BACE2: variants seen among roughly 807,000 people sequenced by gnomAD.
BACE2 encodes beta-secretase 2, also known as 56 kDa aspartic-like protease.
A neutral mutation model predicts 46.2 loss-of-function variants in BACE2; 17 were observed. The observed-to-expected ratio is 0.37, with a 90% CI of 0.25 to 0.55. The LOEUF (loss-of-function observed/expected upper bound fraction) is 0.55, where lower values mean the gene tolerates loss of function less well. Ranked by LOEUF, BACE2 falls within the 20% of genes least tolerant of loss-of-function variation. The pLI is 0.82. For synonymous variants in BACE2, 277 were observed against 295.9 expected, an observed-to-expected ratio of 0.94 and a Z score of 0.66; for missense variants, 595 against 698.1, an observed-to-expected ratio of 0.85 and a Z score of 1.66.
chr21:41,216,069 T>G (rs921384131), intron 1 of BACE2, among the ~76,000 whole-genome samples: 10 of 152,136 alleles, frequency 6.6e-5, no homozygotes, highest in Non-Finnish European at 1.3e-4. Context: ...TTCCGTTGTT[T>G]GAGAGCGCGT....
In BACE2 at chr21:41,278,327, TG is replaced by T. The variant is rs1268638186; in HGVS notation, c.*2707del. 2.0e-5 allele frequency: 3 copies of T among 152,208 alleles called. No homozygotes were observed. Among genetic ancestry groups the T allele is most frequent in the Non-Finnish European group, 2.9e-5 (2 of 68,034 alleles). 9.4% of individuals were successfully genotyped at this position (152,208 alleles called of 1,614,324 possible). ...TTATTAAAAATAGCAAGAAACAAGA[TG>T]GGGACCAATTCTATTTTTATTCTTG... On this transcript the variant is annotated 3_prime_UTR_variant, in exon 9 of 9. Coordinates refer to ENST00000330333, the MANE Select transcript of BACE2 (RefSeq NM_012105.5).
chr21:41,237,109 G>A lies in BACE2; in HGVS notation c.402-404G>A, dbSNP rs1042107358. On this transcript the variant is annotated intron_variant, in intron 2 of 8. Transcript: ENST00000330333. ...TGTTTAGGATAGCTGCCTTGGACAC[G>A]GCAACCTTATCTTCATGGTTCGGGA... 2.6e-5 allele frequency among the ~76,000 whole-genome samples: 4 copies of A among 152,100 alleles called. No individual in the cohort carries two copies. In the East Asian group the frequency reaches 5.8e-4, roughly 22 times the overall value.
At position 41,259,497 on chromosome 21, in the gene BACE2, C is replaced by A. The variant is rs1365716501; in HGVS notation, c.1303+2171C>A. Among the ~76,000 whole-genome samples, 19 of 151,124 alleles carry A rather than the reference C, an allele frequency of 1.3e-4. 1 individual carries two copies. The highest frequency in any genetic ancestry group is 9.9e-4 in the Admixed American group (15 of 15,160). On this transcript the variant is annotated intron_variant, in intron 8 of 8. Transcript: ENST00000330333. The stretch of plus-strand genomic sequence containing the variant: ...ATAAAATGTTTAAGTAACAAAAAAA[C>A]CTTAAGTTACAGAAAATCATATACT...
At chr21:41,203,169 G>T (rs527607979) in intron 1 of BACE2, among the ~76,000 whole-genome samples, 6 of 152,322 alleles carry the variant, frequency 3.9e-5, no homozygotes, top group African/African-American at 1.4e-4. Flanking sequence ...TGTAGGCATG[G>T]TGATAGAGAC....
chr21:41,237,939 C>G (rs1271908336), intron 3 of BACE2, among the ~76,000 whole-genome samples: 2 of 152,220 alleles, frequency 1.3e-5, no homozygotes, highest in African/African-American at 2.4e-5. Flanking sequence ...TCCTGTAAGA[C>G]AGGCAATAGC....
chr21:41,194,243 A>C (rs1221257415), intron 1 of BACE2, among the ~76,000 whole-genome samples: 2 of 152,192 alleles, frequency 1.3e-5, no homozygotes. Context: ...CCGGAGCTCT[A>C]CACGAGCCAG....
intron 1 of BACE2, among the ~76,000 whole-genome samples, chr21:41,198,788 A>G (rs1002996432): frequency 8.5e-5 from 13 of 152,112 alleles, no homozygotes; most frequent in Non-Finnish European, 1.5e-4. Flanking sequence ...TGGAGCTTCA[A>G]CCGAATAACC....
chr21:41,272,311 G>C (rs2088442023), intron 8 of BACE2, among the ~76,000 whole-genome samples: 1 of 151,738 alleles, frequency 6.6e-6, no homozygotes. Context: ...TCTTGTGTTT[G>C]GGGTCCTTTG....
At chr21:41,192,532 C>G (rs537196645) in intron 1 of BACE2, among the ~76,000 whole-genome samples, 2 of 152,196 alleles carry the variant, frequency 1.3e-5, no homozygotes, top group Non-Finnish European at 2.9e-5. Flanking sequence ...GCCAAGAGCT[C>G]TCTCTCAGAA....
chr21:41,225,718 T>C (rs564366607), intron 1 of BACE2: 1 of 152,700 alleles, frequency 6.5e-6, no homozygotes, highest in African/African-American at 2.4e-5. Context: ...GATCTTGCGT[T>C]TTTATTATAT....
At chr21:41,257,007 C>A in intron 7 of BACE2, 151 bp from the exon 8 acceptor site, 2 of 790,494 alleles carry the variant, frequency 2.5e-6, no homozygotes, top group Non-Finnish European at 4.0e-6. Context: ...TTCTCTCCTC[C>A]TGGATGGCAG....
chr21:41,275,582 C>T lies in BACE2; in HGVS notation c.1515C>T (p.Val505=), dbSNP rs759943203. The part of the protein sequence containing the change: ...RCQRRPRDPE[V]VNDESSLVRH... ...AGCGTCGCCCCCGTGACCCTGAGGT[C>T]GTCAATGATGAGTCCTCTCTGGTCA... is the stretch of plus-strand genomic sequence containing the variant. The change falls in exon 9 of 9, where the codon GTC becomes GTT. Residue 505 remains valine, a synonymous_variant. Transcript: ENST00000330333. The T allele has an allele frequency of 1.1e-5, 17 of 1,613,914 alleles. No individual in the cohort carries two copies. Among genetic ancestry groups the T allele is most frequent in the Admixed American group, 3.3e-5 (2 of 60,012 alleles).
chr21:41,252,236 A>C (rs1388849427), intron 7 of BACE2, among the ~76,000 whole-genome samples: 1 of 152,010 alleles, frequency 6.6e-6, no homozygotes, highest in South Asian at 2.1e-4. Context: ...CTAGTTCCTC[A>C]GTGTTTTCAC....
chr21:41,250,662 A>G, intron 6 of BACE2, 90 bp from the exon 7 acceptor site: 2 of 1,198,774 alleles, frequency 1.7e-6, no homozygotes, highest in Admixed American at 1.8e-5. Context: ...CCCTGTGGGC[A>G]TCTGGCGAGG....
At chr21:41,206,625 C>T (rs757488080) in intron 1 of BACE2, among the ~76,000 whole-genome samples, 3 of 152,060 alleles carry the variant, frequency 2.0e-5, no homozygotes, top group Non-Finnish European at 2.9e-5. Context: ...GGGTGGTGTC[C>T]GCAGGAATGG....
intron 1 of BACE2, among the ~76,000 whole-genome samples, chr21:41,209,245 C>T (rs1298695470): frequency 1.3e-5 from 2 of 152,204 alleles, no homozygotes; most frequent in African/African-American, 4.8e-5. Flanking sequence ...TGGGAGAGGG[C>T]GTGAAATCCT....
At chr21:41,218,893 T>C in intron 1 of BACE2, among the ~76,000 whole-genome samples, 1 of 148,760 alleles carries the variant, frequency 6.7e-6, no homozygotes, top group Admixed American at 6.7e-5. Flanking sequence ...TGACAGAGTC[T>C]CGCTCTGTCA....
At chr21:41,265,790 G>A (rs527714502) in intron 8 of BACE2, among the ~76,000 whole-genome samples, 9 of 152,238 alleles carry the variant, frequency 5.9e-5, no homozygotes, top group African/African-American at 2.2e-4. Context: ...TGTAAAAAAT[G>A]TTTACTTTGT....
chr21:41,243,634 G>T, intron 5 of BACE2, 124 bp downstream of exon 5: 1 of 1,050,522 alleles, frequency 9.5e-7, no homozygotes, highest in Non-Finnish European at 1.3e-6. Context: ...CTCATTACAT[G>T]AAAAGATGCA....
Sources: gnomAD v4.1 joint callset for allele counts (sites outside exome capture counted in the v4.1 genomes callset) on GRCh38, gnomAD v4.1.1 for gene constraint, MANE v1.5 for transcripts, NCBI Gene and HGNC (gene_info 2026-07-23, HGNC 2026-07-21) for gene names.